The following USP40 variants were observed in gnomAD, a reference collection of about 807,000 sequenced individuals.
USP40 encodes ubiquitin carboxyl-terminal hydrolase 40.
Under a neutral mutation model 166.2 loss-of-function variants are expected in USP40, and 143 were observed. The observed-to-expected ratio is 0.86, with a 90% CI of 0.75 to 0.99. The LOEUF (loss-of-function observed/expected upper bound fraction) is 0.99, where lower values mean the gene tolerates loss of function less well. USP40 is among the 50% of genes least tolerant of loss of function. The probability of loss-of-function intolerance (pLI) is 0.00; values close to 1 mark genes in which losing one functional copy is unlikely to be tolerated. For synonymous variants in USP40, 498 were observed against 524.0 expected (o/e 0.95, Z 0.68); for missense variants, 1,444 against 1,479.7 (o/e 0.98, Z 0.40).
At chr2:233,548,965 T>G in intron 8 of USP40, 136 bp downstream of exon 8, 1 of 730,388 alleles carries the variant, frequency 1.4e-6, no homozygotes, top group Non-Finnish European at 2.1e-6. Context: ...AACTTGTATC[T>G]GTATTAACTT....
rs1489948658 is a variant in USP40, at chr2:233,477,516, A to C, written c.3600-13T>G. 2 of 1,608,746 alleles carry C rather than the reference A, an allele frequency of 1.2e-6. No homozygotes were observed. Among genetic ancestry groups the C allele is most frequent in the Non-Finnish European group, 1.7e-6 (2 of 1,176,760 alleles). ...GAGGGCTTCTTGGCTGCAGAGACAC[A>C]GACACTGTCATTGACTCATGGATGC... On this transcript the variant is annotated splice_polypyrimidine_tract_variant and intron_variant, in intron 31 of 31. Coordinates refer to ENST00000678225, the MANE Select transcript of USP40 (RefSeq NM_001365479.2).
chr2:233,565,342 G>C lies in USP40; in HGVS notation c.199+14C>G. 2.6e-6 allele frequency: 4 copies of C among 1,514,942 alleles called. No homozygotes were observed. Among genetic ancestry groups the C allele is most frequent in the Non-Finnish European group, 2.7e-6 (3 of 1,127,890 alleles). The allele number at this position is 1,514,942 out of a possible 1,614,324, so 93.8% of individuals were successfully genotyped here. ...GGTACATATTGCTAGTTAAATGTAC[G>C]TAACATAGCATACCTCTGAATTCAG... On this transcript the variant is annotated intron_variant, in intron 2 of 31. Coordinates refer to ENST00000678225, the MANE Select transcript of USP40 (RefSeq NM_001365479.2).
At chr2:233,558,767 A>G (rs750996065) in intron 4 of USP40, among the ~76,000 whole-genome samples, 3 of 152,194 alleles carry the variant, frequency 2.0e-5, no homozygotes, top group Non-Finnish European at 4.4e-5. Flanking sequence ...TGGCATGTAA[A>G]TTACATCTCA....
chr2:233,475,612 A>C lies in USP40; in HGVS notation c.*1780T>G, dbSNP rs2064147269. On this transcript the variant is annotated 3_prime_UTR_variant, in exon 32 of 32. Transcript: ENST00000678225. ...CAAATTAAAAAAACAGAAAACAGGA[A>C]GAAAGGGAAGAAGGCAAAGGCCACA... The C allele has an allele frequency of 6.6e-6, 1 of 152,410 alleles. No individual in the cohort carries two copies. The highest frequency in any genetic ancestry group is 6.5e-5 in the Admixed American group (1 of 15,294). 9.4% of individuals were successfully genotyped at this position (152,410 alleles called of 1,614,324 possible). A position where few individuals can be genotyped will look rare whatever the true frequency, so the allele number is the denominator to read the frequency against.
chr2:233,505,308 C>T (rs1181637332), intron 21 of USP40, among the ~76,000 whole-genome samples: 1 of 151,886 alleles, frequency 6.6e-6, no homozygotes, highest in Non-Finnish European at 1.5e-5. Flanking sequence ...ACAAACTAAA[C>T]CCAAAAGAAG....
intron 16 of USP40, among the ~76,000 whole-genome samples, chr2:233,522,760 T>G (rs189904041): frequency 3.9e-5 from 6 of 152,344 alleles, no homozygotes; most frequent in Admixed American, 3.9e-4. Context: ...ATGGGTCTCC[T>G]GAAACAAAAT....
rs1196627617 is a variant in USP40, at chr2:233,510,029, CA to C, written c.2613+19del. 60 of 1,548,568 alleles carry C rather than the reference CA, an allele frequency of 3.9e-5. No individual in the cohort carries two copies. The highest frequency in any genetic ancestry group is 5.0e-5 in the Non-Finnish European group (57 of 1,139,082). On this transcript the variant is annotated intron_variant, in intron 21 of 31. Coordinates refer to ENST00000678225, the MANE Select transcript of USP40 (RefSeq NM_001365479.2). ...TACAAACACACACAGCCTCTGAAAA[CA>C]AAAGGTAAAATTACTTACATCTCTC... is the stretch of plus-strand genomic sequence containing the variant.
intron 8 of USP40, among the ~76,000 whole-genome samples, chr2:233,544,478 G>A (rs1178083394): frequency 2.0e-5 from 3 of 152,166 alleles, no homozygotes; most frequent in Admixed American, 1.3e-4. Context: ...CAAGGTCAGG[G>A]AAGCAGGGCT....
rs1027261675 is a variant in USP40, at chr2:233,476,300, C to A, written c.*1092G>T. 1 of 152,364 alleles carries A rather than the reference C, an allele frequency of 6.6e-6. No individual in the cohort carries two copies. Among genetic ancestry groups the A allele is most frequent in the African/African-American group, 2.4e-5 (1 of 41,444 alleles). The allele number at this position is 152,364 out of a possible 1,614,324, so 9.4% of individuals were successfully genotyped here. A position where few individuals can be genotyped will look rare whatever the true frequency, so the allele number is the denominator to read the frequency against. On this transcript the variant is annotated 3_prime_UTR_variant, in exon 32 of 32. Transcript: ENST00000678225. ...GCCCAGGTGACAAGCAGGCTCAGGA[C>A]ATGCGACACCGTCTTCGGGATGCTG...
chr2:233,542,322 C>A lies in USP40; in HGVS notation c.1008G>T (p.Gln336His), dbSNP rs1416952202. The change falls in exon 9 of 32, where the codon CAG (glutamine) becomes CAT (histidine). Residue 336 changes from glutamine (Q) to histidine (H), a missense_variant. Transcript: ENST00000678225. ...SKPDVNLKDL[Q>H]SEEEIDHPLM... is the part of the protein sequence containing the mutation. ...GTGGATGATCAATCTCTTCTTCACT[C>A]TGGAGATCTTTCAGATTCACATCTG... 1 of 1,560,870 alleles carries A rather than the reference C, an allele frequency of 6.4e-7. No homozygotes were observed. The highest frequency in any genetic ancestry group is 8.7e-7 in the Non-Finnish European group (1 of 1,153,074).
intron 10 of USP40, among the ~76,000 whole-genome samples, chr2:233,538,125 G>T (rs1461005007): frequency 6.6e-6 from 1 of 151,902 alleles, no homozygotes; most frequent in South Asian, 2.1e-4. Flanking sequence ...TAGTGTAATC[G>T]CTAGATGAAA....
At chr2:233,510,258 T>C in intron 20 of USP40, 123 bp from the exon 21 acceptor site, 1 of 667,018 alleles carries the variant, frequency 1.5e-6, no homozygotes, top group Non-Finnish European at 2.5e-6. Context: ...AATCTCAATT[T>C]ATATGAAAAT....
intron 21 of USP40, among the ~76,000 whole-genome samples, chr2:233,507,421 C>T (rs1575254874): frequency 1.3e-5 from 2 of 152,210 alleles, no homozygotes; most frequent in Admixed American, 1.3e-4. Flanking sequence ...TCAAATCAAC[C>T]TAAGCATCCA....
At chr2:233,524,122 A>C (rs1210174864) in intron 15 of USP40, among the ~76,000 whole-genome samples, 1 of 152,136 alleles carries the variant, frequency 6.6e-6, no homozygotes, top group Non-Finnish European at 1.5e-5. Context: ...GGCTGAATAA[A>C]ATTTCATTAC....
intron 25 of USP40, among the ~76,000 whole-genome samples, chr2:233,491,668 T>C (rs2065356279): frequency 6.6e-6 from 1 of 151,922 alleles, no homozygotes; most frequent in Non-Finnish European, 1.5e-5. Context: ...TTAATCTGCC[T>C]CCTCAAAACA....
intron 24 of USP40, among the ~76,000 whole-genome samples, chr2:233,495,714 G>A (rs757085224): frequency 6.6e-6 from 1 of 152,132 alleles, no homozygotes; most frequent in Admixed American, 6.5e-5. Flanking sequence ...TCGGGGAGAG[G>A]ACACTGGGTG....
chr2:233,560,687 G>A (rs1302498942), intron 3 of USP40: 1 of 244,596 alleles, frequency 4.1e-6, no homozygotes, highest in African/African-American at 2.2e-5. Flanking sequence ...GTTTAAGCAG[G>A]GAGGAACATG....
rs2066857293 is a variant in USP40 at position 233,511,760 on chromosome 2, C to A, written c.2475G>T (p.Lys825Asn). 2 of 1,612,094 alleles carry A rather than the reference C, an allele frequency of 1.2e-6. No homozygotes were observed. The highest frequency in any genetic ancestry group is 1.7e-6 in the Non-Finnish European group (2 of 1,179,242). ...GACACAGTCCCAATGAACTTCCCAT[C>A]TTCAATTCTGCTTCCTTCAAAGTAT... ...DSYTLKEAELKMGSSLGLCLG... is the reference protein window; with the variant it reads ...DSYTLKEAELNMGSSLGLCLG... The change falls in exon 20 of 32, where the codon AAG becomes AAT. Residue 825 changes from lysine (K) to asparagine (N), a missense_variant. Transcript: ENST00000678225.
At chr2:233,502,166 C>T (rs1425764721) in intron 21 of USP40, among the ~76,000 whole-genome samples, 4 of 152,188 alleles carry the variant, frequency 2.6e-5, no homozygotes, top group Admixed American at 6.5e-5. Flanking sequence ...AGGGGTTCAA[C>T]GGAGTACAGA....
Sources: allele counts gnomAD v4.1 joint callset (sites outside exome capture counted in the v4.1 genomes callset), GRCh38; gene constraint gnomAD v4.1.1; transcripts MANE v1.5; gene names NCBI Gene and HGNC (gene_info 2026-07-23, HGNC 2026-07-21).